The following FOXJ2 variants were observed in gnomAD, a reference collection of about 807,000 sequenced individuals.
FOXJ2 encodes the protein forkhead box protein J2.
A neutral mutation model predicts 68.4 loss-of-function variants in FOXJ2; 18 were observed. The ratio of observed to expected loss-of-function variants is 0.26; its 90% CI spans 0.18 to 0.39. The LOEUF is 0.39. FOXJ2 is among the 10% of genes least tolerant of loss of function. FOXJ2 has a pLI of 1.00. For missense variants in FOXJ2, 670 were observed against 726.5 expected (o/e 0.92, Z 0.89); for synonymous variants, 274 against 263.2 (o/e 1.04, Z -0.40).
At chr12:8,045,810 A>G (rs1591579127) in intron 6 of FOXJ2, among the ~76,000 whole-genome samples, 1 of 151,376 alleles carries the variant, frequency 6.6e-6, no homozygotes, top group Non-Finnish European at 1.5e-5. Context: ...GGCTCCCGCC[A>G]CCACGCCTGG....
intron 6 of FOXJ2, 104 bp from the exon 7 acceptor site, chr12:8,047,778 C>G: frequency 7.1e-7 from 1 of 1,410,368 alleles, no homozygotes; most frequent in Non-Finnish European, 9.6e-7. Context: ...ACCCTTTTAA[C>G]TCCACAGTTT....
chr12:8,039,534 G>A (rs1241413000), intron 1 of FOXJ2, among the ~76,000 whole-genome samples: 1 of 152,184 alleles, frequency 6.6e-6, no homozygotes, highest in Non-Finnish European at 1.5e-5. Context: ...AGGGCTATGA[G>A]TAAGGTGAAT....
Position 8,040,002 on chromosome 12 carries a change from A to G in FOXJ2, c.170A>G (p.Asp57Gly). 6.2e-7 allele frequency: 1 copy of G among 1,614,160 alleles called. No homozygotes were observed. Among genetic ancestry groups the G allele is most frequent in the Non-Finnish European group, 8.5e-7 (1 of 1,180,044 alleles). The change falls in exon 2 of 11, where the codon GAC (aspartate) becomes GGC (glycine). Residue 57 changes from aspartate to glycine, a missense_variant. Coordinates refer to ENST00000162391, the MANE Select transcript of FOXJ2 (RefSeq NM_018416.3). This position sits in a 1 kb window ranked among gnomAD's most constrained non-coding sequence, Gnocchi z 4.0. Reference sequence around the variant, plus strand: ...GATCCTAATGCCACCCTGAGCAAAGACGAGGCAGCAGTGCACCAGGACGGC... The same window carrying G: ...GATCCTAATGCCACCCTGAGCAAAGGCGAGGCAGCAGTGCACCAGGACGGC... ...PTDPNATLSK[D>G]EAAVHQDGKP... is the part of the protein sequence containing the mutation.
chr12:8,044,942 T>C lies in FOXJ2; in HGVS notation c.801T>C (p.Ser267=), dbSNP rs747843961. ...NLYKSMLEKS[S]SSSQHGFSSL... is the part of the protein sequence containing the mutation. ...ATAAGTCCATGCTGGAGAAGTCCTC[T>C]TCCTCCTCTCAGCACGGTGAGTCTG... The change falls in exon 6 of 11, where the codon TCT becomes TCC. Residue 267 remains serine, a synonymous_variant. Coordinates refer to ENST00000162391, the MANE Select transcript of FOXJ2 (RefSeq NM_018416.3). 1 of 1,614,244 alleles carries C rather than the reference T, an allele frequency of 6.2e-7. No individual in the cohort carries two copies. The highest frequency in any genetic ancestry group is 1.1e-5 in the South Asian group (1 of 91,090).
chr12:8,036,514 A>C (rs972634452), intron 1 of FOXJ2, among the ~76,000 whole-genome samples: 1 of 152,090 alleles, frequency 6.6e-6, no homozygotes, highest in Non-Finnish European at 1.5e-5. Flanking sequence ...GCACACAGAG[A>C]AGAATGTGGC....
In FOXJ2 at chr12:8,033,339, C is replaced by G. The variant is rs538156367; in HGVS notation, c.-509C>G. 9.2e-4 allele frequency: 142 copies of G among 154,924 alleles called. No homozygotes were observed. The highest frequency in any genetic ancestry group is 7.6e-3 in the South Asian group (37 of 4,838). The allele number at this position is 154,924 out of a possible 1,614,324, so 9.6% of individuals were successfully genotyped here. A position where few individuals can be genotyped will look rare whatever the true frequency, so the allele number is the denominator to read the frequency against. Reference sequence around the variant, plus strand: ...CACAGGAGACAGGAGTCCTTACGTTCAGAAGCCACTCCAGGGAAAGAAGAG... The same window carrying G: ...CACAGGAGACAGGAGTCCTTACGTTGAGAAGCCACTCCAGGGAAAGAAGAG... On this transcript the variant is annotated 5_prime_UTR_variant, in exon 1 of 11. Coordinates refer to ENST00000162391, the MANE Select transcript of FOXJ2 (RefSeq NM_018416.3).
intron 1 of FOXJ2, among the ~76,000 whole-genome samples, chr12:8,037,607 C>T (rs1008796219): frequency 1.3e-5 from 2 of 152,164 alleles, no homozygotes; most frequent in Non-Finnish European, 2.9e-5. Flanking sequence ...AAATGAACAT[C>T]AACTGAAGGC....
In FOXJ2 at chr12:8,053,571, A is replaced by G. The variant is rs10846411; in HGVS notation, c.*721A>G. The G allele has an allele frequency of 0.66, 99,974 of 152,388 alleles. 33,205 individuals are homozygous for G. Among genetic ancestry groups the G allele is most frequent in the Middle Eastern group, 0.74 (219 of 294 alleles). The allele number at this position is 152,388 out of a possible 1,614,324, so 9.4% of individuals were successfully genotyped here. ...AATATAAGTCAGTGTGAAACTGAGT[A>G]TACACTGCCATGTTACATCAGTGTC... On this transcript the variant is annotated 3_prime_UTR_variant, in exon 11 of 11. Coordinates refer to ENST00000162391, the MANE Select transcript of FOXJ2 (RefSeq NM_018416.3). The surrounding 1 kb of genome is among the most constrained non-coding windows in gnomAD (Gnocchi z 4.1).
rs1050506979 is a variant in FOXJ2, at chr12:8,033,582, C to G, written c.-266C>G. The G allele has an allele frequency of 2.6e-5, 4 of 152,722 alleles. No homozygotes were observed. Among genetic ancestry groups the G allele is most frequent in the African/African-American group, 4.8e-5 (2 of 41,406 alleles). The allele number at this position is 152,722 out of a possible 1,614,324, so 9.5% of individuals were successfully genotyped here. A position where few individuals can be genotyped will look rare whatever the true frequency, so the allele number is the denominator to read the frequency against. On this transcript the variant is annotated 5_prime_UTR_variant, in exon 1 of 11. Transcript: ENST00000162391. ...GCTCCTCCCCTCCTCCCCCGGGTAA[C>G]AAGCAGGGTGTGGGGGGTGTGCCAC... is the stretch of plus-strand genomic sequence containing the variant.
intron 10 of FOXJ2, among the ~76,000 whole-genome samples, chr12:8,051,160 C>T (rs766228487): frequency 3.0e-5 from 4 of 134,850 alleles, no homozygotes; most frequent in Non-Finnish European, 3.1e-5. Context: ...AACAGAGTCT[C>T]GCTCTGTTGC....
chr12:8,048,172 C>T lies in FOXJ2; in HGVS notation c.1108C>T (p.Leu370=). 1 of 1,613,994 alleles carries T rather than the reference C, an allele frequency of 6.2e-7. No homozygotes were observed. The highest frequency in any genetic ancestry group is 1.3e-5 in the African/African-American group (1 of 75,056). ...PPVMAMHPPP[L]QHGGYHPHQH... Reference sequence around the variant, plus strand: ...TGTAATGGCCATGCATCCACCCCCGCTGCAGCATGGAGGCTACCACCCTCA... The same window carrying T: ...TGTAATGGCCATGCATCCACCCCCGTTGCAGCATGGAGGCTACCACCCTCA... The change falls in exon 7 of 11, where the codon CTG becomes TTG. Residue 370 remains leucine, a synonymous_variant. Transcript: ENST00000162391.
At position 8,041,133 on chromosome 12, in the gene FOXJ2, C is replaced by T. The variant is rs1946958153; in HGVS notation, c.333+968C>T. Among the ~76,000 whole-genome samples, 4 of 152,108 alleles carry T rather than the reference C, an allele frequency of 2.6e-5. No homozygotes were observed. In the South Asian group the frequency reaches 8.3e-4, roughly 32 times the overall value. On this transcript the variant is annotated intron_variant, in intron 2 of 10. Transcript: ENST00000162391. ...TATGTAGTTCTCTCACTCTATAAATCCCCAGTTGACATACAAACCATGTAG... is the reference window on the plus strand; with the variant it reads ...TATGTAGTTCTCTCACTCTATAAATTCCCAGTTGACATACAAACCATGTAG...
chr12:8,050,137 A>T, intron 9 of FOXJ2: 5 of 193,632 alleles, frequency 2.6e-5, no homozygotes, highest in Admixed American at 1.3e-4. Context: ...TGCCCAGCTA[A>T]TTTTTTTTTT....
intron 10 of FOXJ2, among the ~76,000 whole-genome samples, chr12:8,051,903 C>A (rs749001849): frequency 1.3e-5 from 2 of 152,138 alleles, no homozygotes; most frequent in African/African-American, 4.8e-5. Context: ...TTTCTGTTGC[C>A]CAGGCTGGAG....
chr12:8,043,759 C>T lies in FOXJ2; in HGVS notation c.467C>T (p.Pro156Leu), dbSNP rs975628294. ...ATTTCCCGAAAGAGAAGACACCCTC[C>T]AGATGATGATGTAAGTTCCCAGCTC... is the stretch of plus-strand genomic sequence containing the variant. ...PDISRKRRHP[P>L]DDDLSQDSPE... Residue 156 changes from proline (P) to leucine (L), a missense_variant, in exon 4 of 11, where the codon CCA becomes CTA. Pro to Leu is a moderately conservative substitution (Grantham distance 98). Around this residue, in one of 2 missense-constraint regions of FOXJ2, gnomAD observed 555 missense variants for 562.2 expected, o/e 0.99. Coordinates refer to ENST00000162391, the MANE Select transcript of FOXJ2 (RefSeq NM_018416.3). The T allele has an allele frequency of 1.2e-6, 2 of 1,614,062 alleles. No individual in the cohort carries two copies. The highest frequency in any genetic ancestry group is 2.7e-5 in the African/African-American group (2 of 74,922).
chr12:8,048,621 A>C (rs1947072739), intron 7 of FOXJ2, 76 bp from the exon 8 acceptor site: 2 of 1,372,390 alleles, frequency 1.5e-6, no homozygotes, highest in South Asian at 2.3e-5. Flanking sequence ...TCTTGCATGT[A>C]GTCAGCCTGG....
At chr12:8,037,339 T>C (rs975884845) in intron 1 of FOXJ2, among the ~76,000 whole-genome samples, 3 of 152,036 alleles carry the variant, frequency 2.0e-5, no homozygotes, top group African/African-American at 7.2e-5. Flanking sequence ...GAGATTTGAA[T>C]ATATTTTGAG....
At chr12:8,042,221 TC>T (rs1381494180) in intron 2 of FOXJ2, among the ~76,000 whole-genome samples, 1 of 152,198 alleles carries the variant, frequency 6.6e-6, no homozygotes, top group Non-Finnish European at 1.5e-5. Context: ...ATGTGAACAT[TC>T]TATGGGCTAT....
chr12:8,049,258 A>T, intron 8 of FOXJ2, 104 bp from the exon 9 acceptor site: 1 of 814,250 alleles, frequency 1.2e-6, no homozygotes. Flanking sequence ...GCCCGTTATC[A>T]GTGGGGGTGA....
Sources: allele counts gnomAD v4.1 joint callset (sites outside exome capture counted in the v4.1 genomes callset), GRCh38; gene constraint gnomAD v4.1.1; regional missense constraint gnomAD v4.1.1; non-coding constraint Gnocchi (gnomAD v3.1); transcripts MANE v1.5; gene names NCBI Gene and HGNC (gene_info 2026-07-23, HGNC 2026-07-21).